The following PER3 variants were observed in gnomAD, a reference collection of about 807,000 sequenced individuals.
PER3 encodes period circadian regulator 3.
A neutral mutation model predicts 127.2 loss-of-function variants in PER3; 107 were observed. That is an observed-to-expected ratio of 0.84 (90% CI 0.72 to 0.99). PER3 has a LOEUF of 0.99. Ranked by LOEUF, PER3 falls within the 50% of genes least tolerant of loss-of-function variation. The pLI, the probability that PER3 is intolerant of heterozygous loss-of-function variation, is 0.00. For missense variants in PER3, 1,560 were observed against 1,525.8 expected (o/e 1.02, Z -0.37); for synonymous variants, 618 against 585.8 (o/e 1.05, Z -0.79).
In PER3 at chr1:7,843,823, G is replaced by A. The variant is rs1387230170; in HGVS notation, c.*1068G>A. 22 of 909,204 alleles carry A rather than the reference G, an allele frequency of 2.4e-5. No individual in the cohort carries two copies. Among genetic ancestry groups the A allele is most frequent in the Admixed American group, 8.7e-5 (2 of 23,066 alleles). 56.3% of individuals were successfully genotyped at this position (909,204 alleles called of 1,614,324 possible). On this transcript the variant is annotated 3_prime_UTR_variant, in exon 22 of 22. Transcript: ENST00000377532. ...TCCATCAGTCACCGCTTTCTATGGC[G>A]TTTGTAGTTGTGTCTTTTAAGAAGT...
intron 4 of PER3, chr1:7,787,566 C>A: frequency 1.4e-5 from 5 of 349,934 alleles, no homozygotes; most frequent in East Asian, 8.4e-5. Context: ...GGAAAGTATG[C>A]CAATGCTAGC....
At position 7,785,445 on chromosome 1, in the gene PER3, C is replaced by T; in HGVS notation, c.133C>T (p.Gln45Ter). ...TAATTTTTTTTTATCTTCCAGTGAA[C>T]AGCAAGATCGAAACAGAGTTTCTGA... is the stretch of plus-strand genomic sequence containing the variant. ...RKLADSSHSEQQDRNRVSEEL... is the reference protein window; with the variant it reads ...RKLADSSHSE The change falls in exon 3 of 22, where the codon CAG becomes TAG. Residue 45 changes from glutamine (Q) to a stop codon, truncating the protein, a stop_gained. Coordinates refer to ENST00000377532, the MANE Select transcript of PER3 (RefSeq NM_001377275.1). LOFTEE classifies it high-confidence loss of function. The T allele has an allele frequency of 6.2e-7, 1 of 1,611,432 alleles. No individual in the cohort carries two copies. The highest frequency in any genetic ancestry group is 1.1e-5 in the South Asian group (1 of 90,954).
chr1:7,805,485 G>A (rs532798431), intron 10 of PER3, among the ~76,000 whole-genome samples: 24 of 152,278 alleles, frequency 1.6e-4, no homozygotes, highest in African/African-American at 4.3e-4. Flanking sequence ...CAGAGCACGT[G>A]TAGAACTTAA....
In PER3 at chr1:7,829,838, G is replaced by A. The variant is rs2097321319; in HGVS notation, c.2891G>A (p.Cys964Tyr). 6.2e-7 allele frequency: 1 copy of A among 1,612,216 alleles called. No individual in the cohort carries two copies. The highest frequency in any genetic ancestry group is 8.5e-7 in the Non-Finnish European group (1 of 1,178,280). Residue 964 changes from cysteine to tyrosine, a missense_variant, in exon 19 of 22, where the codon TGT becomes TAT. Transcript: ENST00000377532. The stretch of plus-strand genomic sequence containing the variant: ...TCATGTGCCCTTACTTTCTAGCAGT[G>A]TGTTACAGGCAACAATGGCAGTGAG... ...RNTCPQTEYQ[C>Y]VTGNNGSESS...
At chr1:7,831,677 C>T (rs2097332170) in intron 19 of PER3, among the ~76,000 whole-genome samples, 2 of 152,160 alleles carry the variant, frequency 1.3e-5, no homozygotes, top group Admixed American at 1.3e-4. Flanking sequence ...ATGTGGTTTT[C>T]CTCCCTTATT....
intron 19 of PER3, among the ~76,000 whole-genome samples, chr1:7,831,136 C>T (rs1232640810): frequency 2.0e-5 from 3 of 152,200 alleles, no homozygotes; most frequent in Non-Finnish European, 4.4e-5. Context: ...TAATTCTTCT[C>T]AGCAGGGTTT....
intron 7 of PER3, among the ~76,000 whole-genome samples, chr1:7,799,616 A>G (rs2097161230): frequency 1.3e-5 from 2 of 149,874 alleles, no homozygotes; most frequent in Admixed American, 1.3e-4. Flanking sequence ...GTCTCAAAAA[A>G]AAAAAAAAAA....
chr1:7,824,938 C>T, intron 16 of PER3, among the ~76,000 whole-genome samples: 1 of 152,202 alleles, frequency 6.6e-6, no homozygotes. Context: ...TGGAAGCCCT[C>T]CAGGCTGCAC....
At chr1:7,792,934 GA>G (rs2097128604) in intron 5 of PER3, among the ~76,000 whole-genome samples, 1 of 152,184 alleles carries the variant, frequency 6.6e-6, no homozygotes, top group Admixed American at 6.5e-5. Context: ...TGTCTGGTGT[GA>G]TGAATAAATG....
At chr1:7,792,125 T>C (rs2097124537) in intron 5 of PER3, among the ~76,000 whole-genome samples, 1 of 152,176 alleles carries the variant, frequency 6.6e-6, no homozygotes, top group Admixed American at 6.5e-5. Context: ...TACCCAAGAC[T>C]GGGTAATTTC....
intron 13 of PER3, among the ~76,000 whole-genome samples, chr1:7,814,928 T>C (rs1235491006): frequency 1.3e-5 from 2 of 152,180 alleles, no homozygotes; most frequent in African/African-American, 2.4e-5. Flanking sequence ...AAATATTTTT[T>C]AAGTATAAAT....
chr1:7,792,556 T>C (rs956261214), intron 5 of PER3, among the ~76,000 whole-genome samples: 5 of 152,224 alleles, frequency 3.3e-5, no homozygotes, highest in Admixed American at 6.5e-5. Flanking sequence ...ACTTTTGCCT[T>C]ATGAATCTCA....
intron 7 of PER3, 147 bp downstream of exon 7, chr1:7,798,820 T>C (rs1265985002): frequency 3.1e-6 from 2 of 643,776 alleles, no homozygotes; most frequent in Non-Finnish European, 2.7e-6. Flanking sequence ...CTGGTTTTCA[T>C]TGATGTCTCT....
At position 7,830,149 on chromosome 1, in the gene PER3, TCAG is replaced by T. The variant is rs1164801211; in HGVS notation, c.3208_3210del (p.Ala1070del). 6.2e-7 allele frequency: 1 copy of T among 1,613,786 alleles called. No homozygotes were observed. The highest frequency in any genetic ancestry group is 1.7e-5 in the Admixed American group (1 of 60,030). ...CAGCGAATCCCCATCCAGAACTGGTTCAGCAGCATCAGGTAGTGGATCAGGACA... is the reference window on the plus strand; with the variant it reads ...CAGCGAATCCCCATCCAGAACTGGTTCAGCATCAGGTAGTGGATCAGGACA... On this transcript the variant is annotated inframe_deletion, in exon 19 of 22. Coordinates refer to ENST00000377532, the MANE Select transcript of PER3 (RefSeq NM_001377275.1).
chr1:7,806,218 C>T (rs1180792614), intron 10 of PER3, among the ~76,000 whole-genome samples: 1 of 152,154 alleles, frequency 6.6e-6, no homozygotes, highest in Non-Finnish European at 1.5e-5. Context: ...CTGCCTGTAT[C>T]TCTCTCAGTC....
At position 7,827,702 on chromosome 1, in the gene PER3, A is replaced by AT; in HGVS notation, c.2775dup (p.Thr926TyrfsTer22). 6.2e-7 allele frequency: 1 copy of AT among 1,614,182 alleles called. No individual in the cohort carries two copies. On this transcript the variant is annotated frameshift_variant, in exon 18 of 22. Transcript: ENST00000377532. LOFTEE classifies it high-confidence loss of function. The stretch of plus-strand genomic sequence containing the variant: ...GGCACAAAGCGAGGGGCACCCGTTC[A>AT]TTACTTCGAGAAGCAGCTCACCCTT...
In PER3 at chr1:7,827,318, G is replaced by T; in HGVS notation, c.2389G>T (p.Ala797Ser). 6.2e-7 allele frequency: 1 copy of T among 1,613,698 alleles called. No homozygotes were observed. Among genetic ancestry groups the T allele is most frequent in the Non-Finnish European group, 8.5e-7 (1 of 1,179,838 alleles). ...HTSSPTFPPA[A>S]MVPSQAPYLV... ...CTCGAGCCCGACCTTCCCACCTGCC[G>T]CCATGGTGCCCAGCCAGGCCCCTTA... Residue 797 changes from alanine (A) to serine (S), a missense_variant, in exon 18 of 22, where the codon GCC becomes TCC. This residue lies in a region of PER3 where 1,332 missense variants were observed against 1,223.6 expected (regional missense o/e 1.09). Coordinates refer to ENST00000377532, the MANE Select transcript of PER3 (RefSeq NM_001377275.1).
In PER3 at chr1:7,808,272, A is replaced by G. The variant is rs1265997142; in HGVS notation, c.1137-621A>G. Among the ~76,000 whole-genome samples, 3 of 150,286 alleles carry G rather than the reference A, an allele frequency of 2.0e-5. No homozygotes were observed. The East Asian group carries it at 5.8e-4, about 29-fold the overall frequency. ...AAAAAAAAAAAAACTAGTATAGTAC[A>G]GTGCCTGTCACATAGAAGGTCCCAA... On this transcript the variant is annotated intron_variant, in intron 10 of 21. Coordinates refer to ENST00000377532, the MANE Select transcript of PER3 (RefSeq NM_001377275.1).
chr1:7,800,352 C>A (rs371566818), intron 7 of PER3, among the ~76,000 whole-genome samples: 1 of 151,644 alleles, frequency 6.6e-6, no homozygotes, highest in Non-Finnish European at 1.5e-5. Flanking sequence ...GGATTACAGG[C>A]GCCCACCACC....
Sources: gnomAD v4.1 joint callset for allele counts (sites outside exome capture counted in the v4.1 genomes callset) on GRCh38, gnomAD v4.1.1 for gene constraint, gnomAD v4.1.1 regional missense constraint, MANE v1.5 for transcripts, NCBI Gene and HGNC (gene_info 2026-07-23, HGNC 2026-07-21) for gene names.